Variants in AIMP1 observed in about 807,000 individuals in gnomAD.
AIMP1 encodes the protein aminoacyl tRNA synthase complex-interacting multifunctional protein 1.
In AIMP1, 24 loss-of-function variants were observed where a neutral mutation model predicts 33.1. That is an observed-to-expected ratio of 0.73 (90% confidence interval 0.53 to 1.02). The LOEUF (loss-of-function observed/expected upper bound fraction) is 1.02. Ranked by LOEUF, AIMP1 falls within the 50% of genes least tolerant of loss-of-function variation. The pLI, the probability that AIMP1 is intolerant of heterozygous loss-of-function variation, is 0.00. For missense variants in AIMP1, 367 were observed against 364.8 expected (o/e 1.01, Z -0.05); for synonymous variants, 120 against 121.5 (o/e 0.99, Z 0.08).
At chr4:106,343,064 C>T (rs1040361293) in intron 6 of AIMP1, among the ~76,000 whole-genome samples, 1 of 152,064 alleles carries the variant, frequency 6.6e-6, no homozygotes, top group African/African-American at 2.4e-5. Flanking sequence ...GCCACCACAC[C>T]AGGACTTTTT....
chr4:106,319,734 T>G (rs959114661), intron 1 of AIMP1, among the ~76,000 whole-genome samples: 7 of 152,210 alleles, frequency 4.6e-5, no homozygotes, highest in Non-Finnish European at 1.0e-4. Flanking sequence ...GTCTTAATTT[T>G]TTTACATTTT....
rs190984911 is a variant in AIMP1 at position 106,320,224 on chromosome 4, G to C, written c.-26+3630G>C. 3.4e-4 allele frequency among the ~76,000 whole-genome samples: 52 copies of C among 152,238 alleles called. No homozygotes were observed. The East Asian group carries it at 8.9e-3, about 26-fold the overall frequency. ...ATAGAGATTAATGAAATGAGCACTG[G>C]GTTGAATGGTAAAAGATTTGTTTGA... On this transcript the variant is annotated intron_variant, in intron 1 of 6. Coordinates refer to ENST00000672341, the MANE Select transcript of AIMP1 (RefSeq NM_001142416.2).
At chr4:106,341,293 T>G (rs1443803320) in intron 6 of AIMP1, among the ~76,000 whole-genome samples, 1 of 152,206 alleles carries the variant, frequency 6.6e-6, no homozygotes, top group Non-Finnish European at 1.5e-5. Flanking sequence ...TTGTTGCAAT[T>G]GCTTTTGGAG....
intron 5 of AIMP1, 137 bp downstream of exon 5, chr4:106,332,020 T>G (rs1056280884): frequency 2.1e-5 from 18 of 837,960 alleles, no homozygotes; most frequent in Middle Eastern, 6.9e-4. Flanking sequence ...AGTTTGAATG[T>G]GGTTAATTAC....
Position 106,336,818 on chromosome 4 carries a change from A to T in AIMP1, c.604-51A>T, listed in dbSNP as rs3737497. 258,316 of 1,534,664 alleles carry T rather than the reference A, an allele frequency of 0.17. 23,515 individuals carry two copies. The highest frequency in any genetic ancestry group is 0.24 in the South Asian group (21,127 of 89,336). ...TGTAGCTTAATGTAGTCTGGATATG[A>T]TTAGGCTTAATCTGTGTACATCTTT... On this transcript the variant is annotated intron_variant, in intron 5 of 6. Coordinates refer to ENST00000672341, the MANE Select transcript of AIMP1 (RefSeq NM_001142416.2).
chr4:106,322,265 C>T (rs1055679740), intron 1 of AIMP1, among the ~76,000 whole-genome samples: 36 of 151,142 alleles, frequency 2.4e-4, no homozygotes, highest in African/African-American at 7.8e-4. Flanking sequence ...CCAAGAAACA[C>T]CCAAGAATGA....
rs761286818 is a variant in AIMP1, at chr4:106,331,674, G to A, written c.394G>A (p.Glu132Lys). 3 of 1,613,844 alleles carry A rather than the reference G, an allele frequency of 1.9e-6. No individual in the cohort carries two copies. In the East Asian group the frequency reaches 6.7e-5, roughly 36 times the overall value. Residue 132 changes from glutamate to lysine, a missense_variant and splice_region_variant, in exon 5 of 7, where the codon GAG becomes AAG. Coordinates refer to ENST00000672341, the MANE Select transcript of AIMP1 (RefSeq NM_001142416.2). ...ACCCATTCATAAATACTTTTTAGGA[G>A]AGAAGAAGGAGAAAAAACAGCAATC... Reference protein sequence around the residue: ...KAKEKIEKKGEKKEKKQQSIA... With the variant: ...KAKEKIEKKGKKKEKKQQSIA...
rs1294829267 is a variant in AIMP1, at chr4:106,348,090, C to T, written c.*398C>T. On this transcript the variant is annotated 3_prime_UTR_variant, in exon 7 of 7. Transcript: ENST00000672341. ...GTATCTGTATCAAAAATATCCTCTC[C>T]TTTTCAAAAATGACAGGTTGGAAAA... 1 of 157,804 alleles carries T rather than the reference C, an allele frequency of 6.3e-6. No individual in the cohort carries two copies. Among genetic ancestry groups the T allele is most frequent in the African/African-American group, 2.4e-5 (1 of 41,450 alleles). 9.8% of individuals were successfully genotyped at this position (157,804 alleles called of 1,614,324 possible). A position where few individuals can be genotyped will look rare whatever the true frequency, so the allele number is the denominator to read the frequency against.
chr4:106,343,877 G>T (rs778456495), intron 6 of AIMP1, among the ~76,000 whole-genome samples: 1 of 152,126 alleles, frequency 6.6e-6, no homozygotes, highest in Non-Finnish European at 1.5e-5. Context: ...CGTATTAATA[G>T]TAGAAATTAA....
In AIMP1 at chr4:106,347,395, A is replaced by G; in HGVS notation, c.773-131A>G. On this transcript the variant is annotated intron_variant, in intron 6 of 6. Transcript: ENST00000672341. ...ACATAATAAAAATAAAGTAAATGTT[A>G]AAAGTTTGATTAGGTCCAAAAATCA... is the stretch of plus-strand genomic sequence containing the variant. 1.2e-5 allele frequency: 9 copies of G among 762,908 alleles called. No homozygotes were observed. The South Asian group carries it at 2.4e-4, about 20-fold the overall frequency. 47.3% of individuals were successfully genotyped at this position (762,908 alleles called of 1,614,324 possible). A position where few individuals can be genotyped will look rare whatever the true frequency, so the allele number is the denominator to read the frequency against.
rs1488104714 is a variant in AIMP1 at position 106,316,580 on chromosome 4, G to C, written c.-40G>C. 1.3e-6 allele frequency: 2 copies of C among 1,551,540 alleles called. No homozygotes were observed. Among genetic ancestry groups the C allele is most frequent in the Non-Finnish European group, 1.7e-6 (2 of 1,146,934 alleles). ...CTGCTGTGGCTGTCTCGGAACCCGT[G>C]GTCCTCCGCTTCATGTGAGTGACGT... is the stretch of plus-strand genomic sequence containing the variant. On this transcript the variant is annotated 5_prime_UTR_variant, in exon 1 of 7. Transcript: ENST00000672341.
At chr4:106,328,488 T>C (rs1307080383) in intron 4 of AIMP1, among the ~76,000 whole-genome samples, 1 of 152,154 alleles carries the variant, frequency 6.6e-6, no homozygotes, top group African/African-American at 2.4e-5. Context: ...TAAAACAGAC[T>C]GTAAAGGTTA....
intron 2 of AIMP1, 71 bp from the exon 3 acceptor site, chr4:106,327,380 C>T (rs1172450532): frequency 8.6e-7 from 1 of 1,158,964 alleles, no homozygotes; most frequent in Non-Finnish European, 1.3e-6. Flanking sequence ...TACTGGCTGT[C>T]TTCTTTTCAA....
In AIMP1 at chr4:106,348,525, A is replaced by G. The variant is rs1032293203; in HGVS notation, c.*833A>G. 4 of 152,030 alleles carry G rather than the reference A, an allele frequency of 2.6e-5. No individual in the cohort carries two copies. Among genetic ancestry groups the G allele is most frequent in the African/African-American group, 9.7e-5 (4 of 41,396 alleles). 9.4% of individuals were successfully genotyped at this position (152,030 alleles called of 1,614,324 possible). The stretch of plus-strand genomic sequence containing the variant: ...CTGATATTTTGCTTTTTCATGTGTC[A>G]TCATACTGTCAGTATATTAAAAGAA... On this transcript the variant is annotated 3_prime_UTR_variant, in exon 7 of 7. Coordinates refer to ENST00000672341, the MANE Select transcript of AIMP1 (RefSeq NM_001142416.2).
At position 106,331,686 on chromosome 4, in the gene AIMP1, A is replaced by T; in HGVS notation, c.406A>T (p.Lys136Ter). The change falls in exon 5 of 7, where the codon AAA (lysine) becomes TAA (stop). Residue 136 changes from lysine (K) to a stop codon, truncating the protein, a stop_gained. Coordinates refer to ENST00000672341, the MANE Select transcript of AIMP1 (RefSeq NM_001142416.2). LOFTEE classifies it high-confidence loss of function. ...KIEKKGEKKEKKQQSIAGSAD... is the reference protein window; with the variant it reads ...KIEKKGEKKE ...ATACTTTTTAGGAGAGAAGAAGGAG[A>T]AAAAACAGCAATCAATAGCTGGAAG... 6.2e-7 allele frequency: 1 copy of T among 1,613,994 alleles called. No homozygotes were observed. The highest frequency in any genetic ancestry group is 1.1e-5 in the South Asian group (1 of 91,076).
chr4:106,335,783 A>G (rs1251287546), intron 5 of AIMP1, among the ~76,000 whole-genome samples: 2 of 151,944 alleles, frequency 1.3e-5, no homozygotes, highest in African/African-American at 4.8e-5. Flanking sequence ...ATTTATTTAT[A>G]AAACCATCTT....
chr4:106,320,657 AT>A (rs149023362), intron 1 of AIMP1, among the ~76,000 whole-genome samples: 22,611 of 151,892 alleles, frequency 0.15, 1,797 homozygotes, highest in South Asian at 0.25. Flanking sequence ...AATGGGACAG[AT>A]TAAAAAAAAA....
chr4:106,347,320 TAAAG>T (rs1770341446), intron 6 of AIMP1, among the ~76,000 whole-genome samples: 1 of 151,990 alleles, frequency 6.6e-6, no homozygotes, highest in African/African-American at 2.4e-5. Context: ...TTAATATACA[TAAAG>T]AAACAACAAC....
chr4:106,323,603 A>G (rs1769349998), intron 1 of AIMP1, among the ~76,000 whole-genome samples: 1 of 145,284 alleles, frequency 6.9e-6, no homozygotes. Flanking sequence ...AGAAAGTTAA[A>G]GTAAAAAAAA....
Sources: allele counts gnomAD v4.1 joint callset (sites outside exome capture counted in the v4.1 genomes callset), GRCh38; gene constraint gnomAD v4.1.1; transcripts MANE v1.5; gene names NCBI Gene and HGNC (gene_info 2026-07-23, HGNC 2026-07-21).